Variants in EML6 observed in about 807,000 individuals in gnomAD.
EML6 encodes the protein echinoderm microtubule-associated protein-like 6.
In EML6, 154 loss-of-function variants were observed where a neutral mutation model predicts 240.1. The observed-to-expected ratio is 0.64, with a 90% CI of 0.56 to 0.73. EML6 has a LOEUF of 0.73. Ranked by LOEUF, EML6 falls within the 30% of genes least tolerant of loss-of-function variation. The pLI, the probability that EML6 is intolerant of heterozygous loss-of-function variation, is 0.00. For missense variants in EML6, 2,964 were observed against 2,474.6 expected (o/e 1.20, Z -4.20); for synonymous variants, 1,148 against 899.0 (o/e 1.28, Z -4.95).
intron 9 of EML6, 90 bp downstream of exon 9, chr2:54,847,713 G>A: frequency 1.4e-6 from 2 of 1,401,858 alleles, no homozygotes; most frequent in Non-Finnish European, 1.9e-6. Context: ...AGGACCTTAG[G>A]AAAAATCCAT....
intron 17 of EML6, among the ~76,000 whole-genome samples, chr2:54,888,838 C>T (rs1001718030): frequency 1.3e-5 from 2 of 152,138 alleles, no homozygotes; most frequent in Non-Finnish European, 2.9e-5. Context: ...GTGCAGGTTT[C>T]TGTGTGGACA....
At chr2:54,808,526 A>C (rs1670617571) in intron 2 of EML6, among the ~76,000 whole-genome samples, 1 of 152,046 alleles carries the variant, frequency 6.6e-6, no homozygotes, top group Non-Finnish European at 1.5e-5. Flanking sequence ...TTTTTTCCAA[A>C]AACAAAACAA....
chr2:54,943,272 G>C (rs558783188), intron 28 of EML6, among the ~76,000 whole-genome samples: 70 of 152,178 alleles, frequency 4.6e-4, no homozygotes, highest in African/African-American at 1.5e-3. Flanking sequence ...GAGGAAGTAA[G>C]TCCCTTCTCC....
intron 2 of EML6, among the ~76,000 whole-genome samples, chr2:54,784,511 C>A (rs114182868): frequency 2.6e-5 from 4 of 152,232 alleles, no homozygotes; most frequent in African/African-American, 9.6e-5. Context: ...ACACATCTGA[C>A]CCTCAAATAA....
At chr2:54,903,255 G>A in intron 23 of EML6, 59 bp downstream of exon 23, 1 of 1,526,446 alleles carries the variant, frequency 6.6e-7, no homozygotes, top group Non-Finnish European at 8.9e-7. Context: ...AAAATTACAA[G>A]AATGAACTAT....
intron 2 of EML6, among the ~76,000 whole-genome samples, chr2:54,785,122 G>T (rs899687113): frequency 1.0e-4 from 15 of 148,988 alleles, no homozygotes; most frequent in Non-Finnish European, 1.5e-4. Flanking sequence ...TAAACATGAT[G>T]AAAAATACGA....
chr2:54,740,543 C>T (rs936215720), intron 2 of EML6, among the ~76,000 whole-genome samples: 4 of 152,146 alleles, frequency 2.6e-5, no homozygotes, highest in African/African-American at 9.7e-5. Flanking sequence ...GGGTTTTAAG[C>T]TTTCTGTTAT....
intron 2 of EML6, among the ~76,000 whole-genome samples, chr2:54,742,593 GC>G (rs1191773189): frequency 6.6e-6 from 1 of 152,104 alleles, no homozygotes; most frequent in Non-Finnish European, 1.5e-5. Flanking sequence ...CAGGCGACTG[GC>G]CCCTCTGTGT....
At chr2:54,907,890 ATTAGATAGAT>A (rs1673403909) in intron 24 of EML6, among the ~76,000 whole-genome samples, 4 of 148,918 alleles carry the variant, frequency 2.7e-5, no homozygotes, top group Non-Finnish European at 4.4e-5. Context: ...GATTAGATAG[ATTAGATAGAT>A]TAGATAGATA....
intron 2 of EML6, among the ~76,000 whole-genome samples, chr2:54,800,564 G>A (rs1670077320): frequency 6.6e-6 from 1 of 152,062 alleles, no homozygotes; most frequent in South Asian, 2.1e-4. Flanking sequence ...AATTGACTTA[G>A]AGGCTGGCTC....
chr2:54,962,860 G>A (rs1162206760), intron 36 of EML6, 149 bp downstream of exon 36: 1 of 534,092 alleles, frequency 1.9e-6, no homozygotes, highest in Admixed American at 4.1e-5. Context: ...GATAAAAGAA[G>A]CCCCACTCAC....
chr2:54,749,645 CA>C (rs1270168025), intron 2 of EML6, among the ~76,000 whole-genome samples: 1 of 151,982 alleles, frequency 6.6e-6, no homozygotes, highest in Non-Finnish European at 1.5e-5. Flanking sequence ...TTAATGCTCA[CA>C]AAAAATTTTT....
chr2:54,830,302 C>T (rs1225711183), intron 7 of EML6, among the ~76,000 whole-genome samples: 3 of 152,136 alleles, frequency 2.0e-5, no homozygotes, highest in African/African-American at 7.2e-5. Context: ...TTGGGAGGTT[C>T]TGTTCACTCC....
intron 16 of EML6, 107 bp downstream of exon 16, chr2:54,871,712 C>G (rs1184301279): frequency 6.4e-6 from 5 of 786,956 alleles, no homozygotes; most frequent in Non-Finnish European, 1.1e-5. Context: ...TTTAAACATG[C>G]TCCCACTTAG....
Position 54,970,293 on chromosome 2 carries a change from A to C in EML6, c.*198A>C. ...CTCCAAAACCGTGATGCCACGAAGG[A>C]AGGTCAAGTTTTAAAATGTTAAAGA... is the stretch of plus-strand genomic sequence containing the variant. On this transcript the variant is annotated 3_prime_UTR_variant, in exon 42 of 42. Coordinates refer to ENST00000356458, the MANE Select transcript of EML6 (RefSeq NM_001039753.4). The C allele has an allele frequency of 1.6e-6, 1 of 613,946 alleles. No individual in the cohort carries two copies. The highest frequency in any genetic ancestry group is 2.9e-6 in the Non-Finnish European group (1 of 345,408). The allele number at this position is 613,946 out of a possible 1,614,324, so 38.0% of individuals were successfully genotyped here. A position where few individuals can be genotyped will look rare whatever the true frequency, so the allele number is the denominator to read the frequency against.
chr2:54,758,771 G>C (rs182643601), intron 2 of EML6, among the ~76,000 whole-genome samples: 1 of 152,168 alleles, frequency 6.6e-6, no homozygotes, highest in East Asian at 1.9e-4. Context: ...GCTATATCTT[G>C]TTTTAAGAGG....
In EML6 at chr2:54,903,433, A is replaced by C; in HGVS notation, c.3340A>C (p.Thr1114Pro). ...DNFVDIYNVL[T>P]SKRVGICKGA... ...CTTTGTGGATATTTACAACGTACTTACAAGCAAAAGGGTTGGCATCTGTAA... is the reference window on the plus strand; with the variant it reads ...CTTTGTGGATATTTACAACGTACTTCCAAGCAAAAGGGTTGGCATCTGTAA... Residue 1114 changes from threonine (T) to proline (P), a missense_variant, in exon 24 of 42, where the codon ACA becomes CCA. Transcript: ENST00000356458. 1 of 1,551,902 alleles carries C rather than the reference A, an allele frequency of 6.4e-7. No individual in the cohort carries two copies. Among genetic ancestry groups the C allele is most frequent in the South Asian group, 1.2e-5 (1 of 84,062 alleles).
At chr2:54,884,654 A>T (rs548695828) in intron 17 of EML6, among the ~76,000 whole-genome samples, 4 of 152,360 alleles carry the variant, frequency 2.6e-5, no homozygotes, top group East Asian at 1.9e-4. Context: ...TGAAGACCAC[A>T]TATGTATTTT....
chr2:54,893,190 T>A (rs745899460), intron 19 of EML6, among the ~76,000 whole-genome samples: 1 of 152,208 alleles, frequency 6.6e-6, no homozygotes, highest in Non-Finnish European at 1.5e-5. Flanking sequence ...CCCTGGTCTG[T>A]CTACTTGCCT....
Sources: gnomAD v4.1 joint callset for allele counts (sites outside exome capture counted in the v4.1 genomes callset) on GRCh38, gnomAD v4.1.1 for gene constraint, MANE v1.5 for transcripts, NCBI Gene and HGNC (gene_info 2026-07-23, HGNC 2026-07-21) for gene names.